Variants in IGDCC3 observed in about 807,000 individuals in gnomAD.
The protein encoded by IGDCC3 is immunoglobulin superfamily DCC subclass member 3.
A neutral mutation model predicts 72.0 loss-of-function variants in IGDCC3; 47 were observed. The observed-to-expected ratio is 0.65, with a 90% CI of 0.52 to 0.83. The LOEUF (loss-of-function observed/expected upper bound fraction) is 0.83, where lower values mean the gene tolerates loss of function less well. IGDCC3 is among the 40% of genes least tolerant of loss of function. IGDCC3 has a pLI of 0.00. For synonymous variants in IGDCC3, 477 were observed against 472.8 expected (o/e 1.01, Z -0.11); for missense variants, 1,038 against 1,091.3 (o/e 0.95, Z 0.69).
At chr15:65,355,018 C>G (rs1033870356) in intron 2 of IGDCC3, among the ~76,000 whole-genome samples, 1 of 152,224 alleles carries the variant, frequency 6.6e-6, no homozygotes, top group South Asian at 2.1e-4. Flanking sequence ...ACACCCTGGC[C>G]TGGCAAGTTC....
In IGDCC3 at chr15:65,329,331, T is replaced by C. The variant is rs781117850; in HGVS notation, c.2205+59A>G. 7.8e-5 allele frequency: 119 copies of C among 1,518,820 alleles called. No homozygotes were observed. The highest frequency in any genetic ancestry group is 4.7e-4 in the Middle Eastern group (2 of 4,256). The allele number at this position is 1,518,820 out of a possible 1,614,324, so 94.1% of individuals were successfully genotyped here. A position where few individuals can be genotyped will look rare whatever the true frequency, so the allele number is the denominator to read the frequency against. ...GTGGCCAAGGTGAAGGGGGGCAGGATTGGAAGGTGGCAGTGTCAGAGCCTG... is the reference window on the plus strand; with the variant it reads ...GTGGCCAAGGTGAAGGGGGGCAGGACTGGAAGGTGGCAGTGTCAGAGCCTG... On this transcript the variant is annotated intron_variant, in intron 13 of 13. Coordinates refer to ENST00000327987, the MANE Select transcript of IGDCC3 (RefSeq NM_004884.4). This position sits in a 1 kb window ranked among gnomAD's most constrained non-coding sequence, Gnocchi z 4.1.
chr15:65,330,666 C>T lies in IGDCC3; in HGVS notation c.1637G>A (p.Arg546Gln), dbSNP rs754393804. Residue 546 changes from arginine (R) to glutamine (Q), a missense_variant, in exon 10 of 14, where the codon CGG becomes CAG. Transcript: ENST00000327987. ...SLQLLWEPWP[R>Q]LAQHEGGFKL... is the part of the protein sequence containing the mutation. ...GAAGCCGCCCTCGTGCTGGGCCAGC[C>T]GGGGCCAAGGCTCCCACAGCAGCTG... 1.1e-5 allele frequency: 17 copies of T among 1,613,374 alleles called. No individual in the cohort carries two copies. Among genetic ancestry groups the T allele is most frequent in the Admixed American group, 5.0e-5 (3 of 59,992 alleles).
intron 10 of IGDCC3, 47 bp downstream of exon 10, chr15:65,330,503 G>T (rs200713859): frequency 1.9e-6 from 3 of 1,591,614 alleles, no homozygotes; most frequent in Admixed American, 1.7e-5. Flanking sequence ...GGCCCTCAGC[G>T]CCGCACTCTG....
At chr15:65,365,927 G>A (rs1359097689) in intron 2 of IGDCC3, among the ~76,000 whole-genome samples, 1 of 152,152 alleles carries the variant, frequency 6.6e-6, no homozygotes, top group Non-Finnish European at 1.5e-5. Flanking sequence ...TAAAAATTTG[G>A]CCGGGTGCAG....
intron 2 of IGDCC3, among the ~76,000 whole-genome samples, chr15:65,338,795 C>T (rs1355889451): frequency 6.6e-6 from 1 of 152,250 alleles, no homozygotes; most frequent in East Asian, 1.9e-4. Flanking sequence ...CCTGCCTCCT[C>T]ATCTGTCTTC....
chr15:65,331,342 G>T, intron 8 of IGDCC3, 70 bp downstream of exon 8: 1 of 1,567,290 alleles, frequency 6.4e-7, no homozygotes, highest in South Asian at 1.2e-5. Flanking sequence ...ATCGGGTCAC[G>T]ACGTGCAGGA....
At chr15:65,349,977 A>C (rs1157787106) in intron 2 of IGDCC3, among the ~76,000 whole-genome samples, 2 of 151,912 alleles carry the variant, frequency 1.3e-5, no homozygotes, top group Non-Finnish European at 2.9e-5. Flanking sequence ...TATCTGCGTG[A>C]CCTTGTCTAT....
At chr15:65,340,659 T>C (rs890410163) in intron 2 of IGDCC3, among the ~76,000 whole-genome samples, 5 of 152,200 alleles carry the variant, frequency 3.3e-5, no homozygotes, top group Non-Finnish European at 5.9e-5. Context: ...TCCAGACACA[T>C]ACCTGAATCC....
chr15:65,361,451 A>G (rs1363680090), intron 2 of IGDCC3, among the ~76,000 whole-genome samples: 2 of 143,834 alleles, frequency 1.4e-5, no homozygotes, highest in African/African-American at 2.5e-5. Context: ...GACCCTGTCG[A>G]AAAAAAAAAA....
At chr15:65,331,693 C>T (rs1361016099) in intron 7 of IGDCC3, 34 bp from the exon 8 acceptor site, 1 of 1,552,712 alleles carries the variant, frequency 6.4e-7, no homozygotes, top group South Asian at 1.2e-5. Flanking sequence ...AGGTTCCCTC[C>T]TCCCTGGAGG....
chr15:65,372,146 T>C (rs1380256963), intron 2 of IGDCC3, among the ~76,000 whole-genome samples: 1 of 151,962 alleles, frequency 6.6e-6, no homozygotes, highest in Non-Finnish European at 1.5e-5. Context: ...CAATGAGGAG[T>C]GCGGTGCCGG....
chr15:65,329,865 C>A lies in IGDCC3; in HGVS notation c.1859-1G>T. 1 of 1,613,950 alleles carries A rather than the reference C, an allele frequency of 6.2e-7. No homozygotes were observed. The highest frequency in any genetic ancestry group is 8.5e-7 in the Non-Finnish European group (1 of 1,180,020). ...CGGCAGTCACATGGTGGGCTCAAGGCTGGGGACAGGGACGGGTTGGAGGCT... is the reference window on the plus strand; with the variant it reads ...CGGCAGTCACATGGTGGGCTCAAGGATGGGGACAGGGACGGGTTGGAGGCT... On this transcript the variant is annotated splice_acceptor_variant, in intron 11 of 13. Transcript: ENST00000327987. LOFTEE classifies it high-confidence loss of function. This position sits in a 1 kb window ranked among gnomAD's most constrained non-coding sequence, Gnocchi z 4.1.
At chr15:65,368,156 T>TCTCTCA in intron 2 of IGDCC3, among the ~76,000 whole-genome samples, 1 of 53,398 alleles carries the variant, frequency 1.9e-5, no homozygotes, top group African/African-American at 7.8e-5. Flanking sequence ...TCTCTCTCTT[T>TCTCTCA]CACTCACACA....
intron 2 of IGDCC3, among the ~76,000 whole-genome samples, chr15:65,364,510 C>G (rs2091278615): frequency 1.3e-5 from 2 of 152,284 alleles, no homozygotes; most frequent in South Asian, 4.1e-4. Context: ...CTCAGAGACC[C>G]TCTGCAATCT....
intron 2 of IGDCC3, chr15:65,355,885 G>C (rs2091216605): frequency 1.2e-5 from 4 of 322,640 alleles, no homozygotes; most frequent in South Asian, 8.2e-5. Context: ...GGATTCCCCA[G>C]CTGGGCCCGG....
Position 65,328,764 on chromosome 15 carries a change from G to C in IGDCC3, c.*145C>G. ...GGGGGTCCCTGTCAAGGCTGCCTTG[G>C]GTTTTGACAACCCAAGAGGCAGTCA... On this transcript the variant is annotated 3_prime_UTR_variant, in exon 14 of 14. Coordinates refer to ENST00000327987, the MANE Select transcript of IGDCC3 (RefSeq NM_004884.4). The C allele has an allele frequency of 9.4e-7, 1 of 1,066,670 alleles. No individual in the cohort carries two copies. The highest frequency in any genetic ancestry group is 1.3e-6 in the Non-Finnish European group (1 of 785,834). 66.1% of individuals were successfully genotyped at this position (1,066,670 alleles called of 1,614,324 possible).
chr15:65,367,768 G>A (rs907923678), intron 2 of IGDCC3, among the ~76,000 whole-genome samples: 5 of 152,064 alleles, frequency 3.3e-5, no homozygotes, highest in South Asian at 2.1e-4. Flanking sequence ...GGGTCTGTCC[G>A]CTCCAGCTTT....
At position 65,377,875 on chromosome 15, in the gene IGDCC3, G is replaced by A. The variant is rs1441310088; in HGVS notation, c.-87C>T. ...GTCCCGCGGGGCCGGCGCCGGGGCC[G>A]GGGCTGGGGCTCCGGCCGGGGCCGA... On this transcript the variant is annotated 5_prime_UTR_variant, in exon 1 of 14. Transcript: ENST00000327987. This position sits in a 1 kb window ranked among gnomAD's most constrained non-coding sequence, Gnocchi z 4.9. The A allele has an allele frequency of 5.8e-6, 6 of 1,041,672 alleles. No individual in the cohort carries two copies. The highest frequency in any genetic ancestry group is 6.9e-6 in the Non-Finnish European group (6 of 867,324). The allele number at this position is 1,041,672 out of a possible 1,614,324, so 64.5% of individuals were successfully genotyped here. A position where few individuals can be genotyped will look rare whatever the true frequency, so the allele number is the denominator to read the frequency against.
intron 2 of IGDCC3, among the ~76,000 whole-genome samples, chr15:65,357,968 GCCTGGAA>G (rs1206888245): frequency 6.6e-6 from 1 of 152,178 alleles, no homozygotes; most frequent in Non-Finnish European, 1.5e-5. Flanking sequence ...GATGTAGGAT[GCCTGGAA>G]CCCCACTTTG....
Sources: gnomAD v4.1 joint callset for allele counts (sites outside exome capture counted in the v4.1 genomes callset) on GRCh38, gnomAD v4.1.1 for gene constraint, Gnocchi (gnomAD v3.1) non-coding constraint, MANE v1.5 for transcripts, NCBI Gene and HGNC (gene_info 2026-07-23, HGNC 2026-07-21) for gene names.